SGCZ: variants seen among roughly 807,000 people sequenced by gnomAD.
The protein encoded by SGCZ is zeta-sarcoglycan.
Under a neutral mutation model 41.3 loss-of-function variants are expected in SGCZ, and 40 were observed. The observed-to-expected ratio is 0.97, with a 90% CI of 0.75 to 1.26. SGCZ has a LOEUF of 1.26. Among genes scored for constraint, SGCZ ranks in the 50% most tolerant of loss-of-function variants. The probability of loss-of-function intolerance (pLI) is 0.00; values close to 1 mark genes in which losing one functional copy is unlikely to be tolerated. For missense variants in SGCZ, 552 were observed against 369.8 expected (o/e 1.49, Z -4.04); for synonymous variants, 206 against 137.5 (o/e 1.50, Z -3.49).
intron 5 of SGCZ, among the ~76,000 whole-genome samples, chr8:14,120,236 C>G (rs1328922197): frequency 2.6e-5 from 4 of 152,012 alleles, no homozygotes; most frequent in Admixed American, 1.3e-4. Flanking sequence ...ATAAAATTCA[C>G]CATAGTAATT....
intron 3 of SGCZ, among the ~76,000 whole-genome samples, chr8:14,276,107 A>C (rs550978162): frequency 6.6e-6 from 1 of 152,246 alleles, no homozygotes; most frequent in African/African-American, 2.4e-5. Flanking sequence ...ACATATGTGA[A>C]ATGATCGCTC....
At chr8:14,137,501 G>T (rs189704845) in intron 5 of SGCZ, among the ~76,000 whole-genome samples, 46 of 152,284 alleles carry the variant, frequency 3.0e-4, no homozygotes, top group Admixed American at 2.3e-3. Context: ...TGATGGAGCT[G>T]AAACAATGGC....
At chr8:15,097,459 C>T (rs902491359) in intron 1 of SGCZ, among the ~76,000 whole-genome samples, 1 of 151,878 alleles carries the variant, frequency 6.6e-6, no homozygotes, top group Non-Finnish European at 1.5e-5. Context: ...AAAAAAATCC[C>T]ATTGCTAGGA....
intron 1 of SGCZ, among the ~76,000 whole-genome samples, chr8:14,630,278 T>C: frequency 6.6e-6 from 1 of 152,056 alleles, no homozygotes; most frequent in East Asian, 1.9e-4. Context: ...AATCTGCTTA[T>C]GTCTGCTCTG....
chr8:14,761,485 T>G (rs1038316877), intron 1 of SGCZ, among the ~76,000 whole-genome samples: 3 of 151,200 alleles, frequency 2.0e-5, no homozygotes, highest in East Asian at 3.9e-4. Flanking sequence ...ACTCTCAAGA[T>G]TAATTGTACA....
intron 1 of SGCZ, among the ~76,000 whole-genome samples, chr8:14,623,709 G>A (rs1439825088): frequency 6.6e-6 from 1 of 152,154 alleles, no homozygotes; most frequent in Admixed American, 6.6e-5. Context: ...CCTTGAGGAA[G>A]CTGCTTGTCT....
chr8:14,122,940 G>GTCA (rs916776174), intron 5 of SGCZ, among the ~76,000 whole-genome samples: 5 of 152,134 alleles, frequency 3.3e-5, no homozygotes, highest in Admixed American at 6.5e-5. Context: ...TCAACTGAAT[G>GTCA]TCATCTTAAA....
Position 15,140,897 on chromosome 8 carries a change from T to C in SGCZ, c.39+96688A>G, listed in dbSNP as rs1054664417. Among the ~76,000 whole-genome samples, 7 of 152,182 alleles carry C rather than the reference T, an allele frequency of 4.6e-5. No individual in the cohort carries two copies. In the South Asian group the frequency reaches 1.4e-3, roughly 31 times the overall value. On this transcript the variant is annotated intron_variant, in intron 1 of 7. Transcript: ENST00000382080. ...AAATACATCTCTGCAGTTTTTGCAG[T>C]GACAAGTTGTGTATACTTGCAGTAA...
intron 1 of SGCZ, among the ~76,000 whole-genome samples, chr8:14,761,260 T>C (rs1799862409): frequency 6.6e-6 from 1 of 152,074 alleles, no homozygotes. Context: ...GAAAAGTACA[T>C]ATGTGAGATC....
intron 1 of SGCZ, chr8:14,853,378 C>T (rs1803411665): frequency 8.1e-6 from 4 of 493,466 alleles, no homozygotes; most frequent in Admixed American, 8.0e-5. Flanking sequence ...AATGCAGTTC[C>T]CTTGGGACCT....
intron 1 of SGCZ, among the ~76,000 whole-genome samples, chr8:15,163,383 G>C (rs1799570312): frequency 1.3e-5 from 2 of 152,312 alleles, no homozygotes; most frequent in East Asian, 1.9e-4. Context: ...GTCTTGATTA[G>C]AAGCCATGCT....
At chr8:15,071,308 T>C (rs1035662197) in intron 1 of SGCZ, among the ~76,000 whole-genome samples, 1 of 152,212 alleles carries the variant, frequency 6.6e-6, no homozygotes, top group Admixed American at 6.5e-5. Context: ...ACAATTAGCA[T>C]ATATTTCCAT....
At chr8:14,162,160 G>A (rs12542755) in intron 5 of SGCZ, among the ~76,000 whole-genome samples, 30,626 of 151,964 alleles carry the variant, frequency 0.2, 3,245 homozygotes, top group Middle Eastern at 0.24. Flanking sequence ...TTACTTCGCT[G>A]GAACAATTAT....
chr8:14,858,390 T>C (rs1274374349), intron 1 of SGCZ, among the ~76,000 whole-genome samples: 2 of 152,092 alleles, frequency 1.3e-5, no homozygotes, highest in African/African-American at 4.8e-5. Context: ...CTCTTTCAAA[T>C]CAACCTTAAC....
At chr8:14,961,500 T>C (rs1296828962) in intron 1 of SGCZ, among the ~76,000 whole-genome samples, 32 of 152,150 alleles carry the variant, frequency 2.1e-4, no homozygotes, top group Non-Finnish European at 7.4e-5. Context: ...GAGATCCCAT[T>C]CACATAATTT....
At chr8:15,066,203 G>A (rs1010248054) in intron 1 of SGCZ, among the ~76,000 whole-genome samples, 1 of 151,756 alleles carries the variant, frequency 6.6e-6, no homozygotes, top group Non-Finnish European at 1.5e-5. Flanking sequence ...AGCTACTGGG[G>A]AGGCTGAGGC....
chr8:14,640,188 A>G (rs1351042550), intron 1 of SGCZ, among the ~76,000 whole-genome samples: 1 of 151,760 alleles, frequency 6.6e-6, no homozygotes, highest in Non-Finnish European at 1.5e-5. Flanking sequence ...AAAAGCAATT[A>G]AAATTGCTTT....
intron 1 of SGCZ, among the ~76,000 whole-genome samples, chr8:14,948,564 T>C (rs1800531212): frequency 6.6e-6 from 1 of 152,156 alleles, no homozygotes; most frequent in African/African-American, 2.4e-5. Flanking sequence ...CCTGGTAGTC[T>C]TGACTTCCTT....
intron 1 of SGCZ, among the ~76,000 whole-genome samples, chr8:15,112,894 G>C (rs13274370): frequency 0.47 from 71,444 of 152,036 alleles, 19,389 homozygotes; most frequent in Admixed American, 0.63. Context: ...GTTGCTGTTT[G>C]AAGTCATGCG....
Sources: gnomAD v4.1 joint callset for allele counts (sites outside exome capture counted in the v4.1 genomes callset) on GRCh38, gnomAD v4.1.1 for gene constraint, MANE v1.5 for transcripts, NCBI Gene and HGNC (gene_info 2026-07-23, HGNC 2026-07-21) for gene names.